The following BRAF variants were observed in gnomAD, a reference collection of about 807,000 sequenced individuals.
The protein encoded by BRAF is B-Raf proto-oncogene, serine/threonine kinase.
Under a neutral mutation model 104.6 loss-of-function variants are expected in BRAF, and 16 were observed. The ratio of observed to expected loss-of-function variants is 0.15; its 90% confidence interval spans 0.10 to 0.23. The LOEUF (loss-of-function observed/expected upper bound fraction) is 0.23, where lower values mean the gene tolerates loss of function less well. Ranked by LOEUF, BRAF falls within the 10% of genes least tolerant of loss-of-function variation. BRAF has a pLI of 1.00. For synonymous variants in BRAF, 310 were observed against 341.6 expected (o/e 0.91, Z 1.02); for missense variants, 541 against 937.3 (o/e 0.58, Z 5.52).
intron 17 of BRAF, among the ~76,000 whole-genome samples, chr7:140,743,016 T>C (rs2130917730): frequency 6.6e-6 from 1 of 152,134 alleles, no homozygotes; most frequent in East Asian, 1.9e-4. Flanking sequence ...ATCAAAACCA[T>C]AACGACATAT....
At chr7:140,874,618 T>C (rs1812004805) in intron 1 of BRAF, among the ~76,000 whole-genome samples, 1 of 149,726 alleles carries the variant, frequency 6.7e-6, no homozygotes, top group Admixed American at 6.6e-5. Context: ...CGTAACCCCA[T>C]GGTGGCAGCG....
intron 3 of BRAF, among the ~76,000 whole-genome samples, chr7:140,812,109 T>G (rs1433918104): frequency 6.6e-6 from 1 of 152,004 alleles, no homozygotes; most frequent in Non-Finnish European, 1.5e-5. Context: ...TTTTAATTTT[T>G]TACTTTTAAG....
intron 3 of BRAF, among the ~76,000 whole-genome samples, chr7:140,822,619 C>T (rs901147186): frequency 1.3e-5 from 2 of 152,188 alleles, no homozygotes; most frequent in Non-Finnish European, 2.9e-5. Flanking sequence ...GCAGTTCATT[C>T]CTTTCTACTG....
At chr7:140,733,864 C>T (rs1335325257) in intron 19 of BRAF, 1 of 466,066 alleles carries the variant, frequency 2.1e-6, no homozygotes, top group Admixed American at 6.3e-5. Flanking sequence ...TCTACATGAG[C>T]GAGACATCCT....
At chr7:140,895,354 T>C (rs943290826) in intron 1 of BRAF, among the ~76,000 whole-genome samples, 2 of 152,178 alleles carry the variant, frequency 1.3e-5, no homozygotes, top group Admixed American at 6.5e-5. Context: ...AGGGTATCTA[T>C]AAAAAGTCTG....
rs192417712 is a variant in BRAF, at chr7:140,882,825, G to A, written c.139-32613C>T. 5.9e-4 allele frequency among the ~76,000 whole-genome samples: 89 copies of A among 151,908 alleles called. No individual in the cohort carries two copies. In the East Asian group the frequency reaches 0.011, roughly 19 times the overall value. ...CTGACCAACATGGAGAAGAAACCCC[G>A]TCTCTACTAAAAATAAAAATTAACT... On this transcript the variant is annotated intron_variant, in intron 1 of 19. Coordinates refer to ENST00000644969, the MANE Select transcript of BRAF (RefSeq NM_001374258.1).
intron 1 of BRAF, among the ~76,000 whole-genome samples, chr7:140,886,634 T>C (rs1014264589): frequency 3.3e-5 from 5 of 152,220 alleles, no homozygotes; most frequent in Non-Finnish European, 7.3e-5. Context: ...CTTCAGATAG[T>C]TTAAATCTCA....
intron 16 of BRAF, among the ~76,000 whole-genome samples, chr7:140,752,121 G>A (rs748280792): frequency 9.9e-5 from 15 of 152,132 alleles, no homozygotes; most frequent in Non-Finnish European, 1.6e-4. Context: ...ACAAGTAGAT[G>A]TTAACACAGA....
chr7:140,845,951 T>TG (rs1808498189), intron 2 of BRAF, among the ~76,000 whole-genome samples: 1 of 152,182 alleles, frequency 6.6e-6, no homozygotes, highest in Non-Finnish European at 1.5e-5. Context: ...AGTGCTGGCA[T>TG]TACAGGTGTG....
chr7:140,742,159 T>C (rs1260965160), intron 17 of BRAF, among the ~76,000 whole-genome samples: 1 of 152,020 alleles, frequency 6.6e-6, no homozygotes, highest in Non-Finnish European at 1.5e-5. Context: ...AGGAAGACTT[T>C]GCCAGAGGTG....
Position 140,725,416 on chromosome 7 carries a change from G to A in BRAF, c.*1078C>T. 1.1e-6 allele frequency: 1 copy of A among 950,100 alleles called. No individual in the cohort carries two copies. The highest frequency in any genetic ancestry group is 1.3e-6 in the Non-Finnish European group (1 of 781,144). 58.9% of individuals were successfully genotyped at this position (950,100 alleles called of 1,614,324 possible). ...AATTTTCAGGATATATAATTCTGGT[G>A]GGAAGTATTGTTTTTTTCCAATTCA... On this transcript the variant is annotated 3_prime_UTR_variant, in exon 20 of 20. Coordinates refer to ENST00000644969, the MANE Select transcript of BRAF (RefSeq NM_001374258.1).
downstream of BRAF, chr7:140,719,312 GAA>G: frequency 1.1e-6 from 1 of 926,692 alleles, no homozygotes; most frequent in Non-Finnish European, 1.3e-6. Flanking sequence ...AATCGTGTTA[GAA>G]AAATAGTCTT....
At chr7:140,839,156 A>G (rs999369625) in intron 2 of BRAF, among the ~76,000 whole-genome samples, 1 of 152,126 alleles carries the variant, frequency 6.6e-6, no homozygotes, top group Non-Finnish European at 1.5e-5. Context: ...AAGTTGGGCT[A>G]CTACCTCACA....
At chr7:140,801,333 T>G (rs1803089054) in intron 6 of BRAF, 79 bp downstream of exon 6, 1 of 1,521,834 alleles carries the variant, frequency 6.6e-7, no homozygotes, top group African/African-American at 1.4e-5. Context: ...CTCACAGACT[T>G]TTAGACATCG....
chr7:140,884,207 A>C (rs553872597), intron 1 of BRAF: 1 of 151,946 alleles, frequency 6.6e-6, no homozygotes, highest in African/African-American at 2.4e-5. Context: ...AAATTAAAAA[A>C]ATTTTTTTTA....
intron 1 of BRAF, among the ~76,000 whole-genome samples, chr7:140,864,106 C>T (rs559399370): frequency 1.1e-4 from 17 of 152,034 alleles, no homozygotes; most frequent in African/African-American, 3.1e-4. Context: ...GATTACGGTG[C>T]GCCAAGAATG....
At chr7:140,741,659 T>A (rs1168469599) in intron 17 of BRAF, 3 of 152,088 alleles carry the variant, frequency 2.0e-5, no homozygotes, top group Non-Finnish European at 4.4e-5. Context: ...ATACATATTT[T>A]AAAAAAATTC....
At chr7:140,912,769 A>G (rs574298443) in intron 1 of BRAF, among the ~76,000 whole-genome samples, 77 of 152,284 alleles carry the variant, frequency 5.1e-4, no homozygotes, top group Non-Finnish European at 1.2e-4. Flanking sequence ...GCTGGTCTCG[A>G]ACTCCTCACC....
chr7:140,814,819 A>AT (rs1409042978), intron 3 of BRAF, among the ~76,000 whole-genome samples: 25 of 145,326 alleles, frequency 1.7e-4, no homozygotes, highest in African/African-American at 6.3e-4. Context: ...TAACATATAT[A>AT]ATTTATATAT....
Sources: gnomAD v4.1 joint callset for allele counts (sites outside exome capture counted in the v4.1 genomes callset) on GRCh38, gnomAD v4.1.1 for gene constraint, MANE v1.5 for transcripts, NCBI Gene and HGNC (gene_info 2026-07-23, HGNC 2026-07-21) for gene names.